Variants in DUSP8 observed in about 807,000 individuals in gnomAD.
DUSP8 encodes dual specificity protein phosphatase 8.
DUSP8 carries 15 observed loss-of-function variants against 38.7 expected under a neutral mutation model. That is an observed-to-expected ratio of 0.39 (90% CI 0.26 to 0.60). DUSP8 has a LOEUF of 0.60. DUSP8 is among the 20% of genes least tolerant of loss of function. The pLI is 0.56. For missense variants in DUSP8, 768 were observed against 915.0 expected, an observed-to-expected ratio of 0.84 and a Z score of 2.07; for synonymous variants, 458 against 433.9, an observed-to-expected ratio of 1.06 and a Z score of -0.69.
upstream of DUSP8, among the ~76,000 whole-genome samples, chr11:1,572,559 G>A (rs1848924702): frequency 6.6e-6 from 1 of 151,440 alleles, no homozygotes; most frequent in African/African-American, 2.4e-5. This position sits in a 1 kb window ranked among gnomAD's most constrained non-coding sequence, Gnocchi z 4.7. Flanking sequence ...TCCCGGCCCC[G>A]GGCCCCGCGT....
At chr11:1,562,415 G>T (rs917740754) in intron 3 of DUSP8, among the ~76,000 whole-genome samples, 1 of 152,058 alleles carries the variant, frequency 6.6e-6, no homozygotes, top group Non-Finnish European at 1.5e-5. Context: ...CTCTCTCCCC[G>T]CCCCCCACCA....
At chr11:1,568,814 G>A (rs1375978873) in intron 1 of DUSP8, among the ~76,000 whole-genome samples, 5 of 152,224 alleles carry the variant, frequency 3.3e-5, no homozygotes, top group African/African-American at 1.2e-4. Flanking sequence ...CTGGCCGAGT[G>A]CCCCCTCCTG....
rs1848789542 is a variant in DUSP8, at chr11:1,565,614, C to T, written c.213G>A (p.Gln71=). 6.2e-7 allele frequency: 1 copy of T among 1,605,050 alleles called. No homozygotes were observed. Among genetic ancestry groups the T allele is most frequent in the Non-Finnish European group, 8.5e-7 (1 of 1,174,930 alleles). Residue 71 remains glutamine (Q), a synonymous_variant, in exon 2 of 7, where the codon CAG becomes CAA. Transcript: ENST00000397374. ...QGKVTIAELI[Q]PAARSQVEAT... Reference sequence around the variant, plus strand: ...TGGGTACCTGGCTGCGTGCAGCCGGCTGGATGAGCTCCGCAATGGTCACCT... The same window carrying T: ...TGGGTACCTGGCTGCGTGCAGCCGGTTGGATGAGCTCCGCAATGGTCACCT...
At position 1,557,972 on chromosome 11, in the gene DUSP8, C is replaced by G. The variant is rs1188657963; in HGVS notation, c.698-55G>C. ...AGGGCTAAGACTGCACAGCTTCTCC[C>G]TGGCCCAGGTAGGGGACCCCACCCG... is the stretch of plus-strand genomic sequence containing the variant. On this transcript the variant is annotated intron_variant, in intron 5 of 6. Transcript: ENST00000397374. This position sits in a 1 kb window ranked among gnomAD's most constrained non-coding sequence, Gnocchi z 9.9. 6.2e-7 allele frequency: 1 copy of G among 1,611,956 alleles called. No individual in the cohort carries two copies. Among genetic ancestry groups the G allele is most frequent in the East Asian group, 2.2e-5 (1 of 44,852 alleles).
intron 3 of DUSP8, among the ~76,000 whole-genome samples, chr11:1,560,691 C>T (rs1848705297): frequency 6.6e-6 from 1 of 152,198 alleles, no homozygotes; most frequent in Non-Finnish European, 1.5e-5. Context: ...AGCTGGCTTC[C>T]ACTCACTGTT....
chr11:1,566,385 C>A (rs1848804709), intron 1 of DUSP8, among the ~76,000 whole-genome samples: 1 of 152,250 alleles, frequency 6.6e-6, no homozygotes, highest in South Asian at 2.1e-4. Context: ...CTCACACCTG[C>A]CCCTCTCTCC....
In DUSP8 at chr11:1,562,680, T is replaced by G. The variant is rs1293611800; in HGVS notation, c.370+1171A>C. Reference sequence around the variant, plus strand: ...ACACATGTACATGCACACACATACATGCATGCACATGCACACACACACATA... The same window carrying G: ...ACACATGTACATGCACACACATACAGGCATGCACATGCACACACACACATA... On this transcript the variant is annotated intron_variant, in intron 3 of 6. Coordinates refer to ENST00000397374, the MANE Select transcript of DUSP8 (RefSeq NM_004420.3). Among the ~76,000 whole-genome samples the G allele has an allele frequency of 3.3e-5, 4 of 119,994 alleles. No individual in the cohort carries two copies. The East Asian group carries it at 8.9e-4, about 27-fold the overall frequency. The allele number at this position is 119,994 out of a possible 152,430, so 78.7% of individuals were successfully genotyped here.
chr11:1,569,093 C>T (rs1848849629), intron 1 of DUSP8, among the ~76,000 whole-genome samples: 1 of 152,198 alleles, frequency 6.6e-6, no homozygotes, highest in Non-Finnish European at 1.5e-5. Context: ...CATGCCTCTC[C>T]TTTCACGGCC....
intron 1 of DUSP8, among the ~76,000 whole-genome samples, chr11:1,568,358 AG>A (rs139834540): frequency 0.032 from 2,584 of 81,440 alleles, 72 homozygotes; most frequent in African/African-American, 0.1. Context: ...GTCCAGCTGC[AG>A]GGTGGTGGGC....
intron 1 of DUSP8, among the ~76,000 whole-genome samples, chr11:1,569,339 C>T (rs553065358): frequency 7.9e-5 from 12 of 152,170 alleles, no homozygotes; most frequent in Admixed American, 1.3e-4. Flanking sequence ...GGACACAGCA[C>T]GCCTGGCTCC....
chr11:1,556,855 G>A lies in DUSP8; in HGVS notation c.1541C>T (p.Ser514Phe), dbSNP rs925007844. 5.3e-6 allele frequency: 6 copies of A among 1,137,114 alleles called. No individual in the cohort carries two copies. The Admixed American group carries it at 2.0e-4, about 37-fold the overall frequency. The allele number at this position is 1,137,114 out of a possible 1,614,324, so 70.4% of individuals were successfully genotyped here. Reference sequence around the variant, plus strand: ...CCCGTCGGGCGACGGCGTGCCTGGGGAGTCGAGCGGCGGTGCCCAGGCCCC... The same window carrying A: ...CCCGTCGGGCGACGGCGTGCCTGGGAAGTCGAGCGGCGGTGCCCAGGCCCC... ...GPGAWAPPLD[S>F]PGTPSPDGPW... The change falls in exon 7 of 7, where the codon TCC (serine) becomes TTC (phenylalanine). Residue 514 changes from serine to phenylalanine, a missense_variant. Around this residue, in one of 3 missense-constraint regions of DUSP8, gnomAD observed 474 missense variants for 430.8 expected, o/e 1.10. Transcript: ENST00000397374. The surrounding 1 kb of genome is among the most constrained non-coding windows in gnomAD (Gnocchi z 5.2).
chr11:1,563,091 C>T (rs1848747459), intron 3 of DUSP8, among the ~76,000 whole-genome samples: 1 of 152,150 alleles, frequency 6.6e-6, no homozygotes, highest in Non-Finnish European at 1.5e-5. Flanking sequence ...CCCACAGTCC[C>T]CCATATCCTC....
At position 1,556,918 on chromosome 11, in the gene DUSP8, G is replaced by C; in HGVS notation, c.1478C>G (p.Ala493Gly). 1 of 1,075,418 alleles carries C rather than the reference G, an allele frequency of 9.3e-7. No individual in the cohort carries two copies. Among genetic ancestry groups the C allele is most frequent in the Non-Finnish European group, 1.1e-6 (1 of 889,724 alleles). The allele number at this position is 1,075,418 out of a possible 1,614,324, so 66.6% of individuals were successfully genotyped here. A position where few individuals can be genotyped will look rare whatever the true frequency, so the allele number is the denominator to read the frequency against. Residue 493 changes from alanine (A) to glycine (G), a missense_variant, in exon 7 of 7, where the codon GCG (alanine) becomes GGG (glycine). By Grantham distance (60) the Ala-to-Gly change is moderately conservative. Coordinates refer to ENST00000397374, the MANE Select transcript of DUSP8 (RefSeq NM_004420.3). The surrounding 1 kb of genome is among the most constrained non-coding windows in gnomAD (Gnocchi z 5.2). ...CTGGCCAGGGCCGGGCAGCCCGGGC[G>C]CCGACAGGGCCGAGAGGCCGTGCCG... Reference protein sequence around the residue: ...TPRHGLSALSAPGLPGPGQPA... With the variant: ...TPRHGLSALSGPGLPGPGQPA...
Position 1,558,791 on chromosome 11 carries a change from C to T in DUSP8, c.537+98G>A, listed in dbSNP as rs1475114071. On this transcript the variant is annotated intron_variant, in intron 4 of 6. Coordinates refer to ENST00000397374, the MANE Select transcript of DUSP8 (RefSeq NM_004420.3). This position sits in a 1 kb window ranked among gnomAD's most constrained non-coding sequence, Gnocchi z 6.3. ...CACCCAGCTCATCCACTGCCTTCAG[C>T]TCCTTTCCTCCCTCATCCCCCGCTC... 2 of 1,425,060 alleles carry T rather than the reference C, an allele frequency of 1.4e-6. No homozygotes were observed. Among genetic ancestry groups the T allele is most frequent in the Non-Finnish European group, 1.9e-6 (2 of 1,050,474 alleles). 88.3% of individuals were successfully genotyped at this position (1,425,060 alleles called of 1,614,324 possible). A position where few individuals can be genotyped will look rare whatever the true frequency, so the allele number is the denominator to read the frequency against.
intron 3 of DUSP8, among the ~76,000 whole-genome samples, chr11:1,559,798 C>T (rs10836478): frequency 0.53 from 80,805 of 151,990 alleles, 21,856 homozygotes; most frequent in Non-Finnish European, 0.54. Flanking sequence ...CTGCCTTCCA[C>T]ACACGTCCAA....
In DUSP8 at chr11:1,557,553, C is replaced by T. The variant is rs753120497; in HGVS notation, c.843G>A (p.Pro281=). The change falls in exon 7 of 7, where the codon CCG becomes CCA. Residue 281 remains proline (P), a synonymous_variant. Coordinates refer to ENST00000397374, the MANE Select transcript of DUSP8 (RefSeq NM_004420.3). The surrounding 1 kb of genome is among the most constrained non-coding windows in gnomAD (Gnocchi z 9.9). ...GGAAGTTGAAGTTGGGCGAGATGGA[C>T]GGGCGCCTGTCCTTCACGAACCTGC... is the stretch of plus-strand genomic sequence containing the variant. ...DAYRFVKDRR[P]SISPNFNFLG... 1.4e-4 allele frequency: 215 copies of T among 1,588,220 alleles called. No individual in the cohort carries two copies. Among genetic ancestry groups the T allele is most frequent in the Non-Finnish European group, 1.8e-4 (208 of 1,175,600 alleles).
intron 3 of DUSP8, among the ~76,000 whole-genome samples, chr11:1,559,921 G>A (rs1474073724): frequency 6.6e-6 from 1 of 152,186 alleles, no homozygotes; most frequent in Admixed American, 6.5e-5. Context: ...GCACACCATG[G>A]CTCTGGTCTC....
chr11:1,568,633 C>A (rs1322170534), intron 1 of DUSP8, among the ~76,000 whole-genome samples: 2 of 152,160 alleles, frequency 1.3e-5, no homozygotes, highest in Non-Finnish European at 2.9e-5. Flanking sequence ...TCTCTCCTAC[C>A]CACCCCAGCA....
rs182379864 is a variant in DUSP8 at position 1,554,480 on chromosome 11, C to T, written c.*2038G>A. On this transcript the variant is annotated 3_prime_UTR_variant, in exon 7 of 7. Coordinates refer to ENST00000397374, the MANE Select transcript of DUSP8 (RefSeq NM_004420.3). ...AAAGCCACCAGGTGGGGCCTCAGCC[C>T]GCCTCCTGCAGCACTGGAGGAGGCA... The T allele has an allele frequency of 2.1e-4, 48 of 225,918 alleles. No individual in the cohort carries two copies. The Admixed American group carries it at 2.6e-3, about 12-fold the overall frequency. The allele number at this position is 225,918 out of a possible 1,614,324, so 14.0% of individuals were successfully genotyped here.
Sources: allele counts gnomAD v4.1 joint callset (sites outside exome capture counted in the v4.1 genomes callset), GRCh38; gene constraint gnomAD v4.1.1; regional missense constraint gnomAD v4.1.1; non-coding constraint Gnocchi (gnomAD v3.1); transcripts MANE v1.5; gene names NCBI Gene and HGNC (gene_info 2026-07-23, HGNC 2026-07-21).